The following PALS1 variants were observed in gnomAD, a reference collection of about 807,000 sequenced individuals.
The protein encoded by PALS1 is protein associated with LIN7 1, MAGUK p55 family member.
Under a neutral mutation model 78.9 loss-of-function variants are expected in PALS1, and 31 were observed. The observed-to-expected ratio is 0.39, with a 90% CI of 0.30 to 0.53. PALS1 has a LOEUF of 0.53. Among genes scored for constraint, PALS1 ranks in the 20% least tolerant of loss-of-function variants. PALS1 has a pLI of 0.67. For synonymous variants in PALS1, 276 were observed against 270.9 expected (o/e 1.02, Z -0.18); for missense variants, 704 against 826.5 (o/e 0.85, Z 1.82).
intron 1 of PALS1, among the ~76,000 whole-genome samples, chr14:67,243,790 C>A (rs554527464): frequency 2.6e-5 from 4 of 152,152 alleles, no homozygotes; most frequent in Admixed American, 6.5e-5. Flanking sequence ...GCCACCGCGC[C>A]CAGCCCTTAT....
chr14:67,273,232 C>A (rs1451771165), intron 2 of PALS1, among the ~76,000 whole-genome samples: 2 of 151,696 alleles, frequency 1.3e-5, no homozygotes, highest in African/African-American at 4.8e-5. Flanking sequence ...TTGTCATTTA[C>A]ATTAGGTATA....
chr14:67,314,023 C>G (rs1455644665), intron 9 of PALS1, among the ~76,000 whole-genome samples: 1 of 151,456 alleles, frequency 6.6e-6, no homozygotes, highest in African/African-American at 2.4e-5. Flanking sequence ...CTGAATTAGA[C>G]CTTTCAATGC....
chr14:67,265,023 G>A (rs935008684), intron 1 of PALS1, among the ~76,000 whole-genome samples: 2 of 151,940 alleles, frequency 1.3e-5, no homozygotes, highest in Non-Finnish European at 1.5e-5. Context: ...AAATCTTACT[G>A]GGTTTTTACT....
Position 67,284,443 on chromosome 14 carries a change from A to T in PALS1, c.367+4906A>T, listed in dbSNP as rs1332112255. Among the ~76,000 whole-genome samples, 23 of 145,666 alleles carry T rather than the reference A, an allele frequency of 1.6e-4. 1 individual carries two copies. The highest frequency in any genetic ancestry group is 5.9e-4 in the African/African-American group (23 of 38,968). ...ACCCTATCTCTTAAAAAAAAAAAAAAACAGCTGGGCATGGTGGTATGCTTC... is the reference window on the plus strand; with the variant it reads ...ACCCTATCTCTTAAAAAAAAAAAAATACAGCTGGGCATGGTGGTATGCTTC... On this transcript the variant is annotated intron_variant, in intron 3 of 14. Transcript: ENST00000261681.
chr14:67,330,423 A>G (rs1362152016), intron 14 of PALS1, among the ~76,000 whole-genome samples: 1 of 144,182 alleles, frequency 6.9e-6, no homozygotes, highest in Non-Finnish European at 1.5e-5. Context: ...TTTTGTTACC[A>G]TTTTGTTAGA....
intron 8 of PALS1, among the ~76,000 whole-genome samples, chr14:67,305,179 A>G (rs77005970): frequency 0.016 from 2,377 of 152,350 alleles, 30 homozygotes; most frequent in Non-Finnish European, 0.024. Flanking sequence ...CTGAGGAAAC[A>G]TAACAGAGGA....
chr14:67,256,579 G>A lies in PALS1; in HGVS notation c.-236-13122G>A, dbSNP rs545057204. Among the ~76,000 whole-genome samples the A allele has an allele frequency of 9.0e-4, 137 of 151,398 alleles. 1 individual carries two copies. The highest frequency in any genetic ancestry group is 3.8e-3 in the South Asian group (18 of 4,768). The stretch of plus-strand genomic sequence containing the variant: ...TTTTTGTTTTTTGAGATGGAGTCTC[G>A]CTCTGTTGCCCAGGCTGGAGTGCAG... On this transcript the variant is annotated intron_variant, in intron 1 of 14. Transcript: ENST00000261681.
Position 67,323,232 on chromosome 14 carries a change from C to CGTGTGTGTGTGTGT in PALS1, c.1741-453_1741-440dup, listed in dbSNP as rs35018637. Among the ~76,000 whole-genome samples, 419 of 143,598 alleles carry CGTGTGTGTGTGTGT rather than the reference C, an allele frequency of 2.9e-3. 4 individuals are homozygous for CGTGTGTGTGTGTGT. The highest frequency in any genetic ancestry group is 0.011 in the African/African-American group (410 of 38,426). 94.2% of individuals were successfully genotyped at this position (143,598 alleles called of 152,430 possible). ...ATATACATATATACACATATATACA[C>CGTGTGTGTGTGTGT]GTGTGTGTGTGTGTGTGTGTGTGTG... On this transcript the variant is annotated intron_variant, in intron 13 of 14. Transcript: ENST00000261681.
intron 1 of PALS1, among the ~76,000 whole-genome samples, chr14:67,261,768 GT>G (rs138606419): frequency 0.15 from 23,465 of 151,526 alleles, 3,428 homozygotes; most frequent in East Asian, 0.42. Flanking sequence ...GGTAAACTGA[GT>G]TTTTTTTAGG....
intron 8 of PALS1, among the ~76,000 whole-genome samples, chr14:67,307,306 C>G (rs2085019254): frequency 6.9e-6 from 1 of 144,134 alleles, no homozygotes; most frequent in Admixed American, 7.0e-5. Flanking sequence ...TTATTCTATA[C>G]TATAATAATA....
Position 67,327,665 on chromosome 14 carries a change from G to A in PALS1, c.1851+3853G>A, listed in dbSNP as rs374763351. On this transcript the variant is annotated intron_variant, in intron 14 of 14. Transcript: ENST00000261681. ...TCCCCCCACCCCACAACAGGCCCCA[G>A]TGTGTGATGTTCCCCACCCTGTGTC... 4.0e-5 allele frequency among the ~76,000 whole-genome samples: 6 copies of A among 151,632 alleles called. No homozygotes were observed. The East Asian group carries it at 1.2e-3, about 29-fold the overall frequency.
chr14:67,329,881 G>A (rs181529610), intron 14 of PALS1, among the ~76,000 whole-genome samples: 140 of 135,630 alleles, frequency 1.0e-3, no homozygotes, highest in Non-Finnish European at 1.7e-3. Flanking sequence ...TAAATAAATA[G>A]ATATAGAAAC....
chr14:67,312,411 CTA>C (rs2085103796), intron 8 of PALS1, 114 bp from the exon 9 acceptor site: 5 of 682,816 alleles, frequency 7.3e-6, no homozygotes, highest in Non-Finnish European at 1.1e-5. Context: ...GATGCTGTCT[CTA>C]TTAAATTTTT....
rs36091817 is a variant in PALS1 at position 67,300,336 on chromosome 14, C to CTTTTTTTTTTTTT, written c.577-1042_577-1041insTTTTTTTTTTTTT. 1.3e-4 allele frequency among the ~76,000 whole-genome samples: 18 copies of CTTTTTTTTTTTTT among 139,090 alleles called. 2 individuals carry two copies. The highest frequency in any genetic ancestry group is 2.5e-4 in the African/African-American group (9 of 35,602). 91.2% of individuals were successfully genotyped at this position (139,090 alleles called of 152,430 possible). A position where few individuals can be genotyped will look rare whatever the true frequency, so the allele number is the denominator to read the frequency against. On this transcript the variant is annotated intron_variant, in intron 4 of 14. Coordinates refer to ENST00000261681, the MANE Select transcript of PALS1 (RefSeq NM_022474.4). Reference sequence around the variant, plus strand: ...ACTGGGTTCCTGTATTATGAATTACCTTTTTTTTTTTGAGAAAGTCTCATT... The same window carrying CTTTTTTTTTTTTT: ...ACTGGGTTCCTGTATTATGAATTACCTTTTTTTTTTTTTTTTTTTTTTTTGAGAAAGTCTCATT...
chr14:67,290,798 G>T (rs1386810617), intron 3 of PALS1, among the ~76,000 whole-genome samples: 1 of 152,172 alleles, frequency 6.6e-6, no homozygotes, highest in Admixed American at 6.5e-5. Flanking sequence ...GTTTCCCAAA[G>T]TGCTGGGGTT....
rs768085009 is a variant in PALS1 at position 67,323,703 on chromosome 14, C to T, written c.1742C>T (p.Ser581Leu). 6.6e-6 allele frequency: 10 copies of T among 1,504,486 alleles called. No homozygotes were observed. The East Asian group carries it at 2.1e-4, about 32-fold the overall frequency. 93.2% of individuals were successfully genotyped at this position (1,504,486 alleles called of 1,614,324 possible). A position where few individuals can be genotyped will look rare whatever the true frequency, so the allele number is the denominator to read the frequency against. Reference sequence around the variant, plus strand: ...AAAAATCAAAATGTCTCTTTACAGTCATTGAAGACTCTCCGGAATTCAGAT... The same window carrying T: ...AAAAATCAAAATGTCTCTTTACAGTTATTGAAGACTCTCCGGAATTCAGAT... ...KICLLSLRTQ[S>L]LKTLRNSDLK... Residue 581 changes from serine (S) to leucine (L), a missense_variant and splice_region_variant, in exon 14 of 15, where the codon TCA becomes TTA. Physicochemically the swap from Ser to Leu is moderately radical, Grantham distance 145. Transcript: ENST00000261681.
intron 1 of PALS1, among the ~76,000 whole-genome samples, chr14:67,257,408 G>T (rs562471989): frequency 6.6e-6 from 1 of 152,108 alleles, no homozygotes; most frequent in African/African-American, 2.4e-5. Flanking sequence ...CCAGGAGACA[G>T]GTTTGTCTGA....
intron 2 of PALS1, among the ~76,000 whole-genome samples, chr14:67,273,784 G>A (rs139274401): frequency 0.014 from 2,081 of 152,294 alleles, 51 homozygotes; most frequent in African/African-American, 0.047. Flanking sequence ...TCCGGCACCT[G>A]TTGTTTCCGA....
At chr14:67,318,705 C>A (rs1432040599) in intron 11 of PALS1, among the ~76,000 whole-genome samples, 2 of 152,116 alleles carry the variant, frequency 1.3e-5, no homozygotes, top group African/African-American at 4.8e-5. Context: ...TATTCCAGGG[C>A]AGTAACTATA....
Sources: gnomAD v4.1 joint callset for allele counts (sites outside exome capture counted in the v4.1 genomes callset) on GRCh38, gnomAD v4.1.1 for gene constraint, MANE v1.5 for transcripts, NCBI Gene and HGNC (gene_info 2026-07-23, HGNC 2026-07-21) for gene names.